The following DIAPH2 variants were observed in gnomAD, a reference collection of about 807,000 sequenced individuals.
The protein encoded by DIAPH2 is diaphanous related formin 2.
In DIAPH2, 35 loss-of-function variants were observed where a neutral mutation model predicts 92.7. The ratio of observed to expected loss-of-function variants is 0.38; its 90% CI spans 0.29 to 0.50. DIAPH2 has a LOEUF of 0.50. Among genes scored for constraint, DIAPH2 ranks in the 20% least tolerant of loss-of-function variants. The pLI is 0.94. For synonymous variants in DIAPH2, 301 were observed against 280.4 expected, an observed-to-expected ratio of 1.07 and a Z score of -0.73; for missense variants, 701 against 819.5, an observed-to-expected ratio of 0.86 and a Z score of 1.77.
At chrX:97,058,487 A>C (rs760563603) in intron 17 of DIAPH2, among the ~76,000 whole-genome samples, 1 of 97,016 alleles carries the variant, frequency 1.0e-5, no homozygotes, top group African/African-American at 3.8e-5. Context: ...TTAAGTATTT[A>C]GACTATGCTT....
chrX:97,267,438 C>T lies in DIAPH2; in HGVS notation c.2844+19599C>T, dbSNP rs148007177. Among the ~76,000 whole-genome samples the T allele has an allele frequency of 4.3e-3, 481 of 111,645 alleles. 3 individuals carry two copies. The highest frequency in any genetic ancestry group is 0.028 in the Middle Eastern group (6 of 218). ...CAATGAAAACCCTTTAAGAAACAGT[C>T]AGTGACCACTGACCTTTCCATGTCT... is the stretch of plus-strand genomic sequence containing the variant. On this transcript the variant is annotated intron_variant, in intron 23 of 26. Transcript: ENST00000324765.
chrX:97,256,493 CAT>C (rs1261263646), intron 23 of DIAPH2, among the ~76,000 whole-genome samples: 5 of 112,170 alleles, frequency 4.5e-5, no homozygotes, highest in Non-Finnish European at 5.6e-5. Flanking sequence ...AAATCTCAAT[CAT>C]GTACTGTTTT....
intron 23 of DIAPH2, among the ~76,000 whole-genome samples, chrX:97,317,591 T>C (rs2068850675): frequency 8.9e-6 from 1 of 112,188 alleles, no homozygotes; most frequent in Non-Finnish European, 1.9e-5. Flanking sequence ...GAAATTGGTC[T>C]TAGAGATATA....
intron 5 of DIAPH2, among the ~76,000 whole-genome samples, chrX:96,897,418 G>A (rs982364811): frequency 9.1e-6 from 1 of 110,208 alleles, no homozygotes; most frequent in Non-Finnish European, 1.9e-5. Flanking sequence ...TTTCAAACAG[G>A]TCTTAGTTTA....
intron 15 of DIAPH2, among the ~76,000 whole-genome samples, chrX:96,951,528 G>C (rs1279337262): frequency 8.3e-5 from 5 of 60,341 alleles, no homozygotes; most frequent in African/African-American, 1.5e-4. Context: ...TGTAAAAAGT[G>C]CAGAATCACG....
intron 25 of DIAPH2, among the ~76,000 whole-genome samples, chrX:97,407,546 C>T (rs1369714457): frequency 8.9e-6 from 1 of 112,343 alleles, no homozygotes; most frequent in Non-Finnish European, 1.9e-5. Context: ...TTGCTGAAAG[C>T]ATGATTGAAG....
At chrX:97,267,495 GC>G (rs1465654146) in intron 23 of DIAPH2, among the ~76,000 whole-genome samples, 3 of 111,328 alleles carry the variant, frequency 2.7e-5, no homozygotes, top group African/African-American at 6.5e-5. Context: ...TTGCCTTTGT[GC>G]CCCCTCATTA....
chrX:97,471,471 A>C (rs192168384), intron 26 of DIAPH2, among the ~76,000 whole-genome samples: 1,854 of 110,403 alleles, frequency 0.017, 44 homozygotes, highest in African/African-American at 0.058. Flanking sequence ...CGGGCGGATC[A>C]CCTGAGGTCA....
chrX:96,754,348 G>C (rs1256327277), intron 3 of DIAPH2, among the ~76,000 whole-genome samples: 1 of 111,767 alleles, frequency 8.9e-6, no homozygotes. Context: ...CTAAGTATCA[G>C]GCATTGTTCT....
At chrX:96,953,231 C>T (rs775788067) in intron 15 of DIAPH2, among the ~76,000 whole-genome samples, 1 of 111,477 alleles carries the variant, frequency 9.0e-6, no homozygotes, top group African/African-American at 3.3e-5. Flanking sequence ...TTACAGAGTT[C>T]GTTCAATATT....
chrX:97,546,902 T>C (rs1480678911), intron 26 of DIAPH2, among the ~76,000 whole-genome samples: 1 of 111,468 alleles, frequency 9.0e-6, no homozygotes, highest in East Asian at 2.8e-4. Context: ...TTTCTTTCTG[T>C]GTAGTATGAC....
At chrX:97,384,298 T>G (rs2069578852) in intron 25 of DIAPH2, among the ~76,000 whole-genome samples, 1 of 111,565 alleles carries the variant, frequency 9.0e-6, no homozygotes, top group Admixed American at 9.6e-5. Flanking sequence ...CCATAGTATA[T>G]TATATTCTGG....
intron 17 of DIAPH2, among the ~76,000 whole-genome samples, chrX:96,983,662 A>T (rs1019038141): frequency 9.0e-6 from 1 of 111,597 alleles, no homozygotes; most frequent in African/African-American, 3.2e-5. Context: ...ACACAACTAA[A>T]TATATTTTAA....
At chrX:96,780,828 A>C (rs749744702) in intron 4 of DIAPH2, among the ~76,000 whole-genome samples, 1 of 90,514 alleles carries the variant, frequency 1.1e-5, no homozygotes, top group East Asian at 3.5e-4. Flanking sequence ...TTTTTTTTCG[A>C]TGAAGTCTCG....
intron 17 of DIAPH2, among the ~76,000 whole-genome samples, chrX:97,066,148 A>C (rs1184118094): frequency 1.8e-5 from 2 of 112,212 alleles, no homozygotes; most frequent in East Asian, 5.6e-4. Context: ...AGTGGTGTAC[A>C]GTAATGTCTT....
intron 26 of DIAPH2, among the ~76,000 whole-genome samples, chrX:97,596,455 T>G (rs1305465814): frequency 4.5e-5 from 5 of 111,842 alleles, no homozygotes; most frequent in African/African-American, 1.6e-4. Context: ...TTGTCAACTA[T>G]TGACTTTTTG....
At chrX:97,450,883 CTT>C (rs35721417) in intron 26 of DIAPH2, among the ~76,000 whole-genome samples, 3 of 94,548 alleles carry the variant, frequency 3.2e-5, no homozygotes, top group African/African-American at 7.6e-5. Flanking sequence ...CAATGGGCTA[CTT>C]TTTTTTTTTT....
At chrX:96,839,303 C>T (rs1048795416) in intron 4 of DIAPH2, among the ~76,000 whole-genome samples, 2 of 110,850 alleles carry the variant, frequency 1.8e-5, no homozygotes, top group Non-Finnish European at 3.8e-5. Flanking sequence ...CCCCCCATTG[C>T]GCTTAAATGT....
chrX:96,811,884 TG>T (rs779454133), intron 4 of DIAPH2, among the ~76,000 whole-genome samples: 1 of 111,990 alleles, frequency 8.9e-6, no homozygotes, highest in African/African-American at 3.2e-5. Flanking sequence ...TTGATCATGG[TG>T]GATAAGCTTT....
Sources: gnomAD v4.1 joint callset for allele counts (sites outside exome capture counted in the v4.1 genomes callset) on GRCh38, gnomAD v4.1.1 for gene constraint, MANE v1.5 for transcripts, NCBI Gene and HGNC (gene_info 2026-07-23, HGNC 2026-07-21) for gene names.